The following RARB variants were observed in gnomAD, a reference collection of about 807,000 sequenced individuals.
RARB encodes the protein retinoic acid receptor beta, also known as HBV-activated protein.
Under a neutral mutation model 51.9 loss-of-function variants are expected in RARB, and 17 were observed. The observed-to-expected ratio is 0.33, with a 90% CI of 0.22 to 0.49. The LOEUF (loss-of-function observed/expected upper bound fraction) is 0.49. Ranked by LOEUF, RARB falls within the 20% of genes least tolerant of loss-of-function variation. The pLI, the probability that RARB is intolerant of heterozygous loss-of-function variation, is 0.99. For missense variants in RARB, 369 were observed against 550.8 expected (o/e 0.67, Z 3.30); for synonymous variants, 215 against 195.4 (o/e 1.10, Z -0.84).
chr3:25,297,784 A>G lies in RARB; in HGVS notation c.178+123209A>G, dbSNP rs141479772. The stretch of plus-strand genomic sequence containing the variant: ...TGACAAGACAAATCATTGGAAGAAC[A>G]TTTATCTTTATCCAGGAGGTTGTTT... On this transcript the variant is annotated intron_variant, in intron 5 of 11. Coordinates refer to the RARB transcript ENST00000383772. Among the ~76,000 whole-genome samples the G allele has an allele frequency of 1.2e-3, 189 of 152,184 alleles. 1 individual carries two copies. Among genetic ancestry groups the G allele is most frequent in the Non-Finnish European group, 1.9e-3 (127 of 67,996 alleles).
chr3:24,969,650 TAAG>T (rs1032884136), intron 2 of RARB, among the ~76,000 whole-genome samples: 2 of 152,146 alleles, frequency 1.3e-5, no homozygotes, highest in African/African-American at 4.8e-5. Flanking sequence ...AATTTTGTTT[TAAG>T]AAGGAGAAGA....
chr3:25,333,602 A>C (rs190038696), intron 5 of RARB, among the ~76,000 whole-genome samples: 1 of 152,368 alleles, frequency 6.6e-6, no homozygotes, highest in East Asian at 1.9e-4. Flanking sequence ...AATACCATTC[A>C]GGACATAGGC....
chr3:25,165,472 C>T (rs1700546989), intron 4 of RARB, among the ~76,000 whole-genome samples: 1 of 152,114 alleles, frequency 6.6e-6, no homozygotes, highest in African/African-American at 2.4e-5. Flanking sequence ...ACTACTGCTT[C>T]CAAGCTCTCT....
At chr3:25,517,681 G>A (rs1446847874) in intron 3 of RARB, among the ~76,000 whole-genome samples, 3 of 152,124 alleles carry the variant, frequency 2.0e-5, no homozygotes, top group Non-Finnish European at 2.9e-5. Flanking sequence ...TATCTACACA[G>A]AAAGTTGACA....
rs1313334604 is a variant in RARB, at chr3:25,580,738, A to G, written c.786+16A>G. 2 of 1,588,896 alleles carry G rather than the reference A, an allele frequency of 1.3e-6. No homozygotes were observed. The highest frequency in any genetic ancestry group is 1.7e-6 in the Non-Finnish European group (2 of 1,160,730). On this transcript the variant is annotated intron_variant, in intron 5 of 7. Coordinates refer to ENST00000330688, the MANE Select transcript of RARB (RefSeq NM_000965.5). ...GGACATCCTGGTATGTGCCTTTTTG[A>G]GCTCTCAATGGGTCTGGGGAGGGAG...
chr3:25,573,522 A>G (rs1249671989), intron 4 of RARB, among the ~76,000 whole-genome samples: 1 of 152,202 alleles, frequency 6.6e-6, no homozygotes, highest in Non-Finnish European at 1.5e-5. Context: ...GCTCTGAGCC[A>G]GTCTCGCAGC....
At chr3:25,405,267 C>G (rs1707375738) in intron 5 of RARB, among the ~76,000 whole-genome samples, 1 of 152,046 alleles carries the variant, frequency 6.6e-6, no homozygotes, top group South Asian at 2.1e-4. Flanking sequence ...GGCTGTAATC[C>G]CAGCACTTTG....
chr3:25,456,682 T>TATATATATATATAGAG (rs1491372969), intron 1 of RARB, among the ~76,000 whole-genome samples: 10 of 88,362 alleles, frequency 1.1e-4, no homozygotes, highest in East Asian at 7.4e-4. Context: ...TATATATATA[T>TATATATATATATAGAG]AGAGAGAGAG....
At chr3:25,431,999 T>A (rs1343074985) in intron 1 of RARB, among the ~76,000 whole-genome samples, 1 of 152,108 alleles carries the variant, frequency 6.6e-6, no homozygotes, top group Non-Finnish European at 1.5e-5. Context: ...TGAATGGGGT[T>A]TTGAATAAAT....
At chr3:25,153,632 A>C (rs2885836) in intron 4 of RARB, among the ~76,000 whole-genome samples, 1 of 152,004 alleles carries the variant, frequency 6.6e-6, no homozygotes, top group Non-Finnish European at 1.5e-5. Context: ...TTGATAAATA[A>C]TTCGCTACTG....
chr3:24,859,517 C>T (rs1294215577), intron 2 of RARB, among the ~76,000 whole-genome samples: 4 of 151,688 alleles, frequency 2.6e-5, no homozygotes, highest in Non-Finnish European at 5.9e-5. Context: ...AGGTTTTGGT[C>T]TCAAACCTCT....
chr3:24,919,295 A>C (rs1476940550), intron 2 of RARB, among the ~76,000 whole-genome samples: 2 of 152,324 alleles, frequency 1.3e-5, no homozygotes, highest in East Asian at 3.9e-4. Flanking sequence ...TGTTAAATTA[A>C]GTTTAGCCTA....
intron 1 of RARB, among the ~76,000 whole-genome samples, chr3:24,856,556 G>A (rs1702639170): frequency 6.6e-6 from 1 of 152,152 alleles, no homozygotes; most frequent in Non-Finnish European, 1.5e-5. Flanking sequence ...ATGTCGTTAT[G>A]CTTTGGTAAC....
intron 2 of RARB, among the ~76,000 whole-genome samples, chr3:25,009,935 C>A (rs536225924): frequency 6.6e-6 from 1 of 152,106 alleles, no homozygotes. Flanking sequence ...TCAGGGACAG[C>A]ACTGACGTCA....
At chr3:24,971,513 G>A (rs1018794868) in intron 2 of RARB, among the ~76,000 whole-genome samples, 22 of 152,010 alleles carry the variant, frequency 1.4e-4, no homozygotes, top group African/African-American at 5.3e-4. Flanking sequence ...ATATTGTGAA[G>A]TATTCCTTGT....
At chr3:24,854,633 T>G (rs898493256) in intron 1 of RARB, among the ~76,000 whole-genome samples, 2 of 152,172 alleles carry the variant, frequency 1.3e-5, no homozygotes, top group Non-Finnish European at 2.9e-5. Flanking sequence ...CTCCTCTTCT[T>G]GATGCATAGT....
chr3:25,212,073 T>C (rs1048192233), intron 5 of RARB, among the ~76,000 whole-genome samples: 2 of 152,204 alleles, frequency 1.3e-5, no homozygotes, highest in African/African-American at 4.8e-5. Context: ...TGGTGAGCAT[T>C]GTCATTTTCT....
At chr3:25,549,906 GTCTC>G (rs543730295) in intron 3 of RARB, among the ~76,000 whole-genome samples, 1 of 151,310 alleles carries the variant, frequency 6.6e-6, no homozygotes. Context: ...AAGCCCAGCT[GTCTC>G]TCTCTCTCTC....
intron 2 of RARB, among the ~76,000 whole-genome samples, chr3:24,982,750 C>A (rs1287563037): frequency 6.6e-6 from 1 of 152,144 alleles, no homozygotes; most frequent in Non-Finnish European, 1.5e-5. Context: ...ATAGTTACAC[C>A]ATCCCTGGGG....
Sources: allele counts gnomAD v4.1 joint callset (sites outside exome capture counted in the v4.1 genomes callset), GRCh38; gene constraint gnomAD v4.1.1; transcripts MANE v1.5; gene names NCBI Gene and HGNC (gene_info 2026-07-23, HGNC 2026-07-21).